Variants in CD84 observed in about 807,000 individuals in gnomAD.
CD84 encodes CD84 molecule, also known as SLAM family member 5.
CD84 carries 22 observed loss-of-function variants against 33.8 expected under a neutral mutation model. The observed-to-expected ratio is 0.65, with a 90% confidence interval of 0.46 to 0.93. The LOEUF (loss-of-function observed/expected upper bound fraction) is 0.93, where lower values mean the gene tolerates loss of function less well. Among genes scored for constraint, CD84 ranks in the 40% least tolerant of loss-of-function variants. CD84 has a pLI of 0.00. For synonymous variants in CD84, 154 were observed against 145.2 expected (o/e 1.06, Z -0.44); for missense variants, 400 against 397.6 (o/e 1.01, Z -0.05).
chr1:160,552,751 C>A (rs1571350502), intron 4 of CD84: 2 of 1,541,804 alleles, frequency 1.3e-6, no homozygotes, highest in Non-Finnish European at 1.8e-6. Context: ...AGGAATCAGA[C>A]CCAAAGGAGA....
chr1:160,548,392 C>T, intron 6 of CD84, 71 bp from the exon 7 acceptor site: 2 of 1,541,902 alleles, frequency 1.3e-6, no homozygotes, highest in Admixed American at 1.7e-5. Context: ...CCTGCAAGTT[C>T]CCAGAGGAGT....
chr1:160,541,124 T>C lies in CD84; in HGVS notation c.*7132A>G, dbSNP rs1434395369. 1 of 152,220 alleles carries C rather than the reference T, an allele frequency of 6.6e-6. No individual in the cohort carries two copies. Among genetic ancestry groups the C allele is most frequent in the Non-Finnish European group, 1.5e-5 (1 of 68,038 alleles). 9.4% of individuals were successfully genotyped at this position (152,220 alleles called of 1,614,324 possible). A position where few individuals can be genotyped will look rare whatever the true frequency, so the allele number is the denominator to read the frequency against. ...GCATTATAAAATAATATTTATTGTG[T>C]CCTGCTGAAATGGAGCTTGTAGTCT... On this transcript the variant is annotated 3_prime_UTR_variant, in exon 7 of 7. Coordinates refer to ENST00000368054, the MANE Select transcript of CD84 (RefSeq NM_003874.4).
At chr1:160,569,397 G>A (rs1301369484) in intron 1 of CD84, among the ~76,000 whole-genome samples, 1 of 152,090 alleles carries the variant, frequency 6.6e-6, no homozygotes, top group African/African-American at 2.4e-5. Flanking sequence ...TAATTTCAGA[G>A]ATAACTTGTG....
At chr1:160,562,980 T>G (rs557668854) in intron 2 of CD84, among the ~76,000 whole-genome samples, 1 of 150,724 alleles carries the variant, frequency 6.6e-6, no homozygotes, top group East Asian at 1.9e-4. Context: ...CCAACAAACA[T>G]GTGAAAAAAA....
intron 3 of CD84, 159 bp downstream of exon 3, chr1:160,553,736 C>G (rs1214427543): frequency 8.2e-7 from 1 of 1,212,884 alleles, no homozygotes; most frequent in Non-Finnish European, 1.1e-6. Context: ...AAGGCTTTGG[C>G]CTCTTTCCCA....
chr1:160,559,423 G>A (rs1007715781), intron 2 of CD84, among the ~76,000 whole-genome samples: 1 of 152,086 alleles, frequency 6.6e-6, no homozygotes, highest in African/African-American at 2.4e-5. Flanking sequence ...TTCCAAACAA[G>A]CAAATGCTGA....
chr1:160,566,502 G>T (rs1172984309), intron 1 of CD84, among the ~76,000 whole-genome samples: 1 of 152,122 alleles, frequency 6.6e-6, no homozygotes, highest in Admixed American at 6.6e-5. Context: ...GATCAGTTTT[G>T]CTCCAGATAC....
At chr1:160,558,897 C>A (rs1020210819) in intron 2 of CD84, among the ~76,000 whole-genome samples, 1 of 151,990 alleles carries the variant, frequency 6.6e-6, no homozygotes, top group Non-Finnish European at 1.5e-5. Context: ...TGAAGACTAT[C>A]TTTCTGAAAT....
intron 5 of CD84, 75 bp downstream of exon 5, chr1:160,550,863 A>C: frequency 6.2e-7 from 1 of 1,600,924 alleles, no homozygotes; most frequent in Non-Finnish European, 8.5e-7. Flanking sequence ...AACAACAAGC[A>C]GAGGCAATGG....
intron 2 of CD84, among the ~76,000 whole-genome samples, chr1:160,557,696 T>C (rs1656695637): frequency 6.6e-6 from 1 of 152,250 alleles, no homozygotes; most frequent in South Asian, 2.1e-4. Context: ...GTAATATTAC[T>C]TTTAAATTAT....
In CD84 at chr1:160,565,597, T is replaced by C; in HGVS notation, c.195A>G (p.Pro65=). The C allele has an allele frequency of 6.2e-7, 1 of 1,613,984 alleles. No individual in the cohort carries two copies. Among genetic ancestry groups the C allele is most frequent in the African/African-American group, 1.3e-5 (1 of 75,026 alleles). ...TSKTSVAYVT[P]GDSETAPVVT... ...CTACGGGTGCTGTTTCTGAGTCTCC[T>C]GGTGTTACATAAGCAACAGATGTTT... is the stretch of plus-strand genomic sequence containing the variant. The change falls in exon 2 of 7, where the codon CCA becomes CCG. Residue 65 remains proline, a synonymous_variant. Transcript: ENST00000368054.
At chr1:160,566,827 A>G (rs1280700479) in intron 1 of CD84, among the ~76,000 whole-genome samples, 4 of 152,232 alleles carry the variant, frequency 2.6e-5, no homozygotes, top group Non-Finnish European at 5.9e-5. Context: ...TAACATGGGA[A>G]GATGAAAAGC....
At chr1:160,561,081 A>C (rs1656927784) in intron 2 of CD84, among the ~76,000 whole-genome samples, 1 of 152,164 alleles carries the variant, frequency 6.6e-6, no homozygotes, top group Non-Finnish European at 1.5e-5. Context: ...TGAGTTCTAC[A>C]AGAAGTACAA....
Position 160,543,040 on chromosome 1 carries a change from T to C in CD84, c.*5216A>G, listed in dbSNP as rs1243135595. On this transcript the variant is annotated 3_prime_UTR_variant, in exon 7 of 7. Coordinates refer to ENST00000368054, the MANE Select transcript of CD84 (RefSeq NM_003874.4). ...GTTTCTCTTATTTTATATTAACTCA[T>C]CAGAATGTTTATGACCTGAAACCCC... The C allele has an allele frequency of 6.6e-6, 1 of 152,142 alleles. No homozygotes were observed. The highest frequency in any genetic ancestry group is 2.4e-5 in the African/African-American group (1 of 41,432). 9.4% of individuals were successfully genotyped at this position (152,142 alleles called of 1,614,324 possible). A position where few individuals can be genotyped will look rare whatever the true frequency, so the allele number is the denominator to read the frequency against.
At chr1:160,566,912 G>A (rs1190843456) in intron 1 of CD84, among the ~76,000 whole-genome samples, 1 of 152,128 alleles carries the variant, frequency 6.6e-6, no homozygotes, top group Non-Finnish European at 1.5e-5. Flanking sequence ...TGTAAAATGA[G>A]AGACAATGTA....
intron 2 of CD84, among the ~76,000 whole-genome samples, chr1:160,562,901 C>G (rs993297817): frequency 1.3e-5 from 2 of 151,720 alleles, no homozygotes; most frequent in African/African-American, 4.8e-5. Context: ...AAAAAAACCA[C>G]ACACAGCCCC....
At chr1:160,556,000 T>C (rs1571356692) in intron 2 of CD84, among the ~76,000 whole-genome samples, 1 of 152,270 alleles carries the variant, frequency 6.6e-6, no homozygotes, top group East Asian at 1.9e-4. Context: ...TTAACTATAA[T>C]AGTGACTGAT....
rs1655548246 is a variant in CD84 at position 160,541,664 on chromosome 1, G to A, written c.*6592C>T. The A allele has an allele frequency of 1.3e-5, 2 of 152,404 alleles. No individual in the cohort carries two copies. The highest frequency in any genetic ancestry group is 3.4e-3 in the Middle Eastern group (1 of 298). The allele number at this position is 152,404 out of a possible 1,614,324, so 9.4% of individuals were successfully genotyped here. A position where few individuals can be genotyped will look rare whatever the true frequency, so the allele number is the denominator to read the frequency against. ...CCAGACAACATGGGCAAAGGCATGG[G>A]AGGATTTGGTGGGTGTGTGGGCCCA... On this transcript the variant is annotated 3_prime_UTR_variant, in exon 7 of 7. Transcript: ENST00000368054.
In CD84 at chr1:160,548,139, G is replaced by C; in HGVS notation, c.*117C>G. On this transcript the variant is annotated 3_prime_UTR_variant, in exon 7 of 7. Coordinates refer to ENST00000368054, the MANE Select transcript of CD84 (RefSeq NM_003874.4). ...GTTTCCTGCTTTGCTTACAGGCTGA[G>C]ATGTGGCAGTTTGCAATCTCCCAGT... is the stretch of plus-strand genomic sequence containing the variant. The C allele has an allele frequency of 9.5e-7, 1 of 1,050,254 alleles. No homozygotes were observed. Among genetic ancestry groups the C allele is most frequent in the Non-Finnish European group, 1.5e-6 (1 of 687,454 alleles). The allele number at this position is 1,050,254 out of a possible 1,614,324, so 65.1% of individuals were successfully genotyped here.
Sources: allele counts gnomAD v4.1 joint callset (sites outside exome capture counted in the v4.1 genomes callset), GRCh38; gene constraint gnomAD v4.1.1; transcripts MANE v1.5; gene names NCBI Gene and HGNC (gene_info 2026-07-23, HGNC 2026-07-21).